Variants in IL33 observed in about 807,000 individuals in gnomAD.
IL33 encodes interleukin 33, also known as interleukin-33.
IL33 carries 37 observed loss-of-function variants against 27.3 expected under a neutral mutation model. That is an observed-to-expected ratio of 1.36 (90% CI 1.04 to 1.78). The LOEUF is 1.78. Among genes scored for constraint, IL33 ranks in the 40% most tolerant of loss-of-function variants. IL33 has a pLI of 0.00. For synonymous variants in IL33, 132 were observed against 102.9 expected (o/e 1.28, Z -1.71); for missense variants, 406 against 311.4 (o/e 1.30, Z -2.29).
Position 6,257,762 on chromosome 9 carries a change from C to G in IL33, c.*1594C>G, listed in dbSNP as rs925824292. ...ATAAAAGAGGCTGAGAATTACCATA[C>G]AAGGGTATTACAACTGTAAAACAAT... On this transcript the variant is annotated 3_prime_UTR_variant, in exon 8 of 8. Coordinates refer to ENST00000682010, the MANE Select transcript of IL33 (RefSeq NM_033439.4). The G allele has an allele frequency of 6.6e-6, 1 of 152,116 alleles. No homozygotes were observed. Among genetic ancestry groups the G allele is most frequent in the Admixed American group, 6.5e-5 (1 of 15,274 alleles). 9.4% of individuals were successfully genotyped at this position (152,116 alleles called of 1,614,324 possible). A position where few individuals can be genotyped will look rare whatever the true frequency, so the allele number is the denominator to read the frequency against.
At chr9:6,226,592 C>T (rs10975497) in intron 1 of IL33, among the ~76,000 whole-genome samples, 51,969 of 151,896 alleles carry the variant, frequency 0.34, 10,410 homozygotes, top group African/African-American at 0.55. Context: ...ACTCTTTTCA[C>T]TTGTGTTTAA....
intron 4 of IL33, among the ~76,000 whole-genome samples, chr9:6,252,415 A>G (rs1816452713): frequency 6.6e-6 from 1 of 152,196 alleles, no homozygotes; most frequent in African/African-American, 2.4e-5. Flanking sequence ...ATTTAGCCAG[A>G]GGAGAGAACA....
rs561855768 is a variant in IL33 at position 6,256,509 on chromosome 9, G to C, written c.*341G>C. 61 of 397,198 alleles carry C rather than the reference G, an allele frequency of 1.5e-4. No homozygotes were observed. Among genetic ancestry groups the C allele is most frequent in the Middle Eastern group, 1.3e-3 (2 of 1,504 alleles). 24.6% of individuals were successfully genotyped at this position (397,198 alleles called of 1,614,324 possible). On this transcript the variant is annotated 3_prime_UTR_variant, in exon 8 of 8. Transcript: ENST00000682010. ...TTTAGAGCTAAGGCCACTGAGGAAA[G>C]AGCCATAGCTTAAGTCTCTATGTAG...
chr9:6,242,727 G>T (rs1300065551), intron 2 of IL33: 1 of 152,128 alleles, frequency 6.6e-6, no homozygotes, highest in South Asian at 2.1e-4. Context: ...AAGATCTTTC[G>T]TGGCAAAGTT....
chr9:6,218,455 T>G (rs1415353938), intron 1 of IL33, among the ~76,000 whole-genome samples: 3 of 151,890 alleles, frequency 2.0e-5, no homozygotes, highest in Non-Finnish European at 4.4e-5. Context: ...GGTTTCCCAG[T>G]GATTAAGGAA....
intron 4 of IL33, 27 bp from the exon 5 acceptor site, chr9:6,252,839 G>T: frequency 6.3e-7 from 1 of 1,590,536 alleles, no homozygotes; most frequent in South Asian, 1.2e-5. Context: ...AATTGTGCCT[G>T]ACAAATTTTT....
intron 1 of IL33, among the ~76,000 whole-genome samples, chr9:6,223,753 A>G (rs1244170736): frequency 6.6e-6 from 1 of 152,182 alleles, no homozygotes; most frequent in Non-Finnish European, 1.5e-5. Context: ...GCAACTGGGG[A>G]ACACAGAACT....
At chr9:6,253,844 T>G (rs1281541521) in intron 6 of IL33, among the ~76,000 whole-genome samples, 1 of 152,206 alleles carries the variant, frequency 6.6e-6, no homozygotes, top group Non-Finnish European at 1.5e-5. Flanking sequence ...TGGTTTATGC[T>G]AGATAAAACT....
intron 1 of IL33, among the ~76,000 whole-genome samples, chr9:6,219,181 C>T (rs1818308089): frequency 6.6e-6 from 1 of 151,582 alleles, no homozygotes. Context: ...AGAAAGGGAC[C>T]TTAATTCTAT....
chr9:6,252,324 A>G (rs1250945575), intron 4 of IL33, among the ~76,000 whole-genome samples: 1 of 105,338 alleles, frequency 9.5e-6, no homozygotes, highest in Admixed American at 8.9e-5. Context: ...TTACCTCAGC[A>G]GGCTATAAAA....
At chr9:6,238,592 T>C (rs902599393) in intron 1 of IL33, among the ~76,000 whole-genome samples, 29 of 152,088 alleles carry the variant, frequency 1.9e-4, no homozygotes, top group Non-Finnish European at 1.6e-4. Context: ...TTCTAACGAG[T>C]CCTCTAATCC....
intron 1 of IL33, among the ~76,000 whole-genome samples, chr9:6,240,676 T>A (rs1819476747): frequency 2.6e-5 from 4 of 152,190 alleles, no homozygotes; most frequent in Admixed American, 2.0e-4. Context: ...AGTGAGTGAA[T>A]GTGAAGGCGT....
At chr9:6,244,607 C>A (rs1819716768) in intron 2 of IL33, among the ~76,000 whole-genome samples, 1 of 152,084 alleles carries the variant, frequency 6.6e-6, no homozygotes. Flanking sequence ...TAACTGAAAT[C>A]ATGGAAAGTA....
intron 2 of IL33, among the ~76,000 whole-genome samples, chr9:6,249,230 T>C (rs1816190718): frequency 6.6e-6 from 1 of 152,212 alleles, no homozygotes; most frequent in African/African-American, 2.4e-5. Flanking sequence ...TAATTCAAAA[T>C]AATAGCTAAT....
At chr9:6,223,546 C>T (rs1818502023) in intron 1 of IL33, among the ~76,000 whole-genome samples, 2 of 151,692 alleles carry the variant, frequency 1.3e-5, no homozygotes, top group African/African-American at 2.4e-5. Context: ...CCATGTTATA[C>T]TAAAATTTTC....
At chr9:6,245,866 T>C (rs1479491184) in intron 2 of IL33, among the ~76,000 whole-genome samples, 1 of 151,602 alleles carries the variant, frequency 6.6e-6, no homozygotes, top group Non-Finnish European at 1.5e-5. Flanking sequence ...ATTGAGATCA[T>C]CCTGGTTAAC....
intron 2 of IL33, among the ~76,000 whole-genome samples, chr9:6,245,700 A>G (rs1232455551): frequency 2.6e-5 from 4 of 152,228 alleles, no homozygotes; most frequent in Admixed American, 2.6e-4. Context: ...AAAAGACTTA[A>G]TGACAGATTG....
intron 1 of IL33, among the ~76,000 whole-genome samples, chr9:6,223,787 C>T (rs970353393): frequency 6.6e-6 from 1 of 152,158 alleles, no homozygotes; most frequent in Non-Finnish European, 1.5e-5. Flanking sequence ...AACTTAAGGA[C>T]ACTTTTTGCT....
Position 6,257,465 on chromosome 9 carries a change from A to AT in IL33, c.*1304dup, listed in dbSNP as rs1816802353. ...TTTAGATAAAGCTATTAATGGCAATATTTTTTTGCTAAACGTTTTTGTTTT... is the reference window on the plus strand; with the variant it reads ...TTTAGATAAAGCTATTAATGGCAATATTTTTTTTGCTAAACGTTTTTGTTTT... On this transcript the variant is annotated 3_prime_UTR_variant, in exon 8 of 8. Coordinates refer to ENST00000682010, the MANE Select transcript of IL33 (RefSeq NM_033439.4). The AT allele has an allele frequency of 6.6e-6, 1 of 152,588 alleles. No individual in the cohort carries two copies. Among genetic ancestry groups the AT allele is most frequent in the Non-Finnish European group, 1.5e-5 (1 of 68,016 alleles). The allele number at this position is 152,588 out of a possible 1,614,324, so 9.5% of individuals were successfully genotyped here.
Sources: allele counts gnomAD v4.1 joint callset (sites outside exome capture counted in the v4.1 genomes callset), GRCh38; gene constraint gnomAD v4.1.1; transcripts MANE v1.5; gene names NCBI Gene and HGNC (gene_info 2026-07-23, HGNC 2026-07-21).